The following UPF2 variants were observed in gnomAD, a reference collection of about 807,000 sequenced individuals.
The protein encoded by UPF2 is UPF2 regulator of nonsense mediated mRNA decay, also known as regulator of nonsense transcripts 2.
In UPF2, 17 loss-of-function variants were observed where a neutral mutation model predicts 141.4. The observed-to-expected ratio is 0.12, with a 90% confidence interval of 0.08 to 0.18. UPF2 has a LOEUF of 0.18. UPF2 is among the 10% of genes least tolerant of loss of function. The pLI, the probability that UPF2 is intolerant of heterozygous loss-of-function variation, is 1.00. For missense variants in UPF2, 1,152 were observed against 1,515.9 expected (o/e 0.76, Z 3.99); for synonymous variants, 540 against 498.0 (o/e 1.08, Z -1.12).
chr10:11,981,242 G>A (rs768734951), intron 8 of UPF2, among the ~76,000 whole-genome samples: 2 of 152,122 alleles, frequency 1.3e-5, no homozygotes, highest in African/African-American at 2.4e-5. Flanking sequence ...ATACCTAAAA[G>A]CCTCAAAAAC....
At chr10:11,930,635 G>A (rs1832772004) in intron 20 of UPF2, among the ~76,000 whole-genome samples, 1 of 152,118 alleles carries the variant, frequency 6.6e-6, no homozygotes, top group Non-Finnish European at 1.5e-5. Context: ...AATTAGCCAG[G>A]TATGGTGGCA....
At position 12,042,193 on chromosome 10, in the gene UPF2, C is replaced by A. The variant is rs1366495091; in HGVS notation, c.-19+562G>T. Among the ~76,000 whole-genome samples the A allele has an allele frequency of 6.6e-6, 1 of 151,594 alleles. No individual in the cohort carries two copies. Among genetic ancestry groups the A allele is most frequent in the Non-Finnish European group, 1.5e-5 (1 of 67,938 alleles). On this transcript the variant is annotated intron_variant, in intron 1 of 21. Coordinates refer to ENST00000357604, the MANE Select transcript of UPF2 (RefSeq NM_015542.4). The surrounding 1 kb of genome is among the most constrained non-coding windows in gnomAD (Gnocchi z 5.5). ...CTCTGGTGGTGTAGGAACCTCTAAA[C>A]CCACCACACTTCCCCGACACAACTC...
At chr10:11,938,241 CTT>C (rs1331191751) in intron 18 of UPF2, among the ~76,000 whole-genome samples, 1 of 152,072 alleles carries the variant, frequency 6.6e-6, no homozygotes, top group Non-Finnish European at 1.5e-5. Context: ...TTATCTTTCT[CTT>C]TGAGTATATA....
Position 12,035,059 on chromosome 10 carries a change from T to C in UPF2, c.365A>G (p.Lys122Arg). 1.3e-6 allele frequency: 2 copies of C among 1,557,986 alleles called. No individual in the cohort carries two copies. Among genetic ancestry groups the C allele is most frequent in the Non-Finnish European group, 1.7e-6 (2 of 1,163,112 alleles). Residue 122 changes from lysine (K) to arginine (R), a missense_variant and splice_region_variant, in exon 2 of 22, where the codon AAA becomes AGA. By Grantham distance (26) the Lys-to-Arg change is conservative (BLOSUM62 2). Around this residue, in one of 4 missense-constraint regions of UPF2, gnomAD observed 739 missense variants for 1,032.2 expected, o/e 0.72. Coordinates refer to ENST00000357604, the MANE Select transcript of UPF2 (RefSeq NM_015542.4). ...CAATAAATACAATCAACTGCCTTACTTCATCTGAGCAGCTGCTTCTTCTTC... is the reference window on the plus strand; with the variant it reads ...CAATAAATACAATCAACTGCCTTACCTCATCTGAGCAGCTGCTTCTTCTTC... ...QQEEEAAAQM[K>R]EKEESIQLHQ...
intron 9 of UPF2, among the ~76,000 whole-genome samples, chr10:11,978,587 A>C (rs917875617): frequency 6.6e-6 from 1 of 152,200 alleles, no homozygotes; most frequent in Admixed American, 6.5e-5. Flanking sequence ...AAAACTTCTT[A>C]AGGCAAAATC....
chr10:12,009,160 T>A (rs908780193), intron 4 of UPF2, among the ~76,000 whole-genome samples: 3 of 152,174 alleles, frequency 2.0e-5, no homozygotes, highest in African/African-American at 7.2e-5. Context: ...AAACTTAAAA[T>A]GCATATATCC....
intron 3 of UPF2, among the ~76,000 whole-genome samples, chr10:12,024,057 C>A (rs1834365728): frequency 6.6e-6 from 1 of 152,100 alleles, no homozygotes; most frequent in Non-Finnish European, 1.5e-5. Flanking sequence ...AGGTAGGAAT[C>A]TTAAATATCA....
intron 21 of UPF2, among the ~76,000 whole-genome samples, chr10:11,922,493 G>C (rs113603510): frequency 1.2e-4 from 18 of 152,308 alleles, no homozygotes; most frequent in African/African-American, 4.1e-4. Context: ...CTGAAGTCAA[G>C]AAAAGGCAGC....
At chr10:11,999,161 T>C (rs1310989739) in intron 7 of UPF2, among the ~76,000 whole-genome samples, 1 of 151,874 alleles carries the variant, frequency 6.6e-6, no homozygotes, top group Non-Finnish European at 1.5e-5. Context: ...TGAATCATGA[T>C]AAAATGCTAG....
chr10:12,004,915 C>T (rs1160646718), intron 4 of UPF2, among the ~76,000 whole-genome samples, 188 bp from the exon 5 acceptor site: 2 of 152,058 alleles, frequency 1.3e-5, no homozygotes, highest in African/African-American at 2.4e-5. Context: ...TTAAATAAAG[C>T]CCTAAAATAA....
chr10:11,926,005 G>T (rs1248589432), intron 21 of UPF2, among the ~76,000 whole-genome samples: 6 of 152,210 alleles, frequency 3.9e-5, no homozygotes, highest in Admixed American at 3.3e-4. Flanking sequence ...GAATTGGAAA[G>T]GGTTGAAGGT....
intron 18 of UPF2, among the ~76,000 whole-genome samples, chr10:11,938,649 A>T (rs1832883614): frequency 6.6e-6 from 1 of 151,952 alleles, no homozygotes; most frequent in African/African-American, 2.4e-5. Flanking sequence ...ACAATAAAAA[A>T]AAAAACTAGA....
chr10:11,943,130 C>A lies in UPF2; in HGVS notation c.3213G>T (p.Glu1071Asp). 6.2e-7 allele frequency: 1 copy of A among 1,611,746 alleles called. No individual in the cohort carries two copies. The highest frequency in any genetic ancestry group is 1.3e-5 in the African/African-American group (1 of 75,010). The change falls in exon 17 of 22, where the codon GAG becomes GAT. Residue 1071 changes from glutamate to aspartate, a missense_variant. This residue lies in a region of UPF2 where 202 missense variants were observed against 223.6 expected (regional missense o/e 0.90). Coordinates refer to ENST00000357604, the MANE Select transcript of UPF2 (RefSeq NM_015542.4). ...TAAGGTAATCTGTATTCTCTTCCTC[C>A]TCTTCTTCTCCCTCATCATCATCAT... ...SDNDDDEGEEEEEENTDYLTD... is the reference protein window; with the variant it reads ...SDNDDDEGEEDEEENTDYLTD...
chr10:12,029,930 T>C (rs12413116), intron 2 of UPF2, among the ~76,000 whole-genome samples: 7,856 of 148,394 alleles, frequency 0.053, 274 homozygotes, highest in Non-Finnish European at 0.08. Flanking sequence ...TGCACTCTAG[T>C]CTGGGCGACA....
rs1232653467 is a variant in UPF2, at chr10:12,001,673, T to C, written c.1654+3A>G. 1 of 1,598,220 alleles carries C rather than the reference T, an allele frequency of 6.3e-7. No individual in the cohort carries two copies. The highest frequency in any genetic ancestry group is 1.8e-5 in the Admixed American group (1 of 55,854). ...AATGAAAGTTGGTAAATTAGTTCTT[T>C]ACCTTGTTCATCAAGAAGTTTCTTT... On this transcript the variant is annotated splice_donor_region_variant and intron_variant, in intron 6 of 21. Coordinates refer to ENST00000357604, the MANE Select transcript of UPF2 (RefSeq NM_015542.4).
chr10:11,961,476 G>C (rs954515583), intron 11 of UPF2, among the ~76,000 whole-genome samples: 1 of 152,008 alleles, frequency 6.6e-6, no homozygotes, highest in East Asian at 1.9e-4. Flanking sequence ...CAGAAGGCCA[G>C]TGTGTTCCTA....
At chr10:11,938,583 T>G (rs755943911) in intron 18 of UPF2, among the ~76,000 whole-genome samples, 1 of 152,112 alleles carries the variant, frequency 6.6e-6, no homozygotes, top group Non-Finnish European at 1.5e-5. Context: ...TCATCTTAAT[T>G]TGCATACTAT....
rs1832779300 is a variant in UPF2, at chr10:11,931,299, T to C, written c.3688+342A>G. On this transcript the variant is annotated intron_variant, in intron 20 of 21. Coordinates refer to ENST00000357604, the MANE Select transcript of UPF2 (RefSeq NM_015542.4). This position sits in a 1 kb window ranked among gnomAD's most constrained non-coding sequence, Gnocchi z 5.9. ...TTTGCACAATGATGAAATTGCCTAA[T>C]GTCACATTTTTTAGAATGCATCCCT... Among the ~76,000 whole-genome samples, 1 of 152,216 alleles carries C rather than the reference T, an allele frequency of 6.6e-6. No individual in the cohort carries two copies. Among genetic ancestry groups the C allele is most frequent in the African/African-American group, 2.4e-5 (1 of 41,446 alleles).
At chr10:11,942,636 G>A in intron 18 of UPF2, 29 bp downstream of exon 18, 4 of 1,591,164 alleles carry the variant, frequency 2.5e-6, no homozygotes, top group Non-Finnish European at 2.6e-6. Flanking sequence ...GTATTGAGAA[G>A]AGTCTTTGAA....
Sources: allele counts gnomAD v4.1 joint callset (sites outside exome capture counted in the v4.1 genomes callset), GRCh38; gene constraint gnomAD v4.1.1; regional missense constraint gnomAD v4.1.1; non-coding constraint Gnocchi (gnomAD v3.1); transcripts MANE v1.5; gene names NCBI Gene and HGNC (gene_info 2026-07-23, HGNC 2026-07-21).